The following TICRR variants were observed in gnomAD, a reference collection of about 807,000 sequenced individuals.
TICRR encodes the protein TOPBP1 interacting checkpoint and replication regulator.
A neutral mutation model predicts 178.1 loss-of-function variants in TICRR; 132 were observed. The ratio of observed to expected loss-of-function variants is 0.74; its 90% confidence interval spans 0.64 to 0.86. The LOEUF (loss-of-function observed/expected upper bound fraction) is 0.86. TICRR is among the 40% of genes least tolerant of loss of function. The pLI is 0.00. For missense variants in TICRR, 2,587 were observed against 2,334.3 expected, an observed-to-expected ratio of 1.11 and a Z score of -2.23; for synonymous variants, 991 against 900.7, an observed-to-expected ratio of 1.10 and a Z score of -1.79.
At chr15:89,596,430 T>A (rs993234976) in intron 7 of TICRR, among the ~76,000 whole-genome samples, 1 of 152,146 alleles carries the variant, frequency 6.6e-6, no homozygotes, top group Non-Finnish European at 1.5e-5. Flanking sequence ...CACTGCAACC[T>A]CTGCCTCCCG....
chr15:89,613,734 C>CTT (rs34162195), intron 15 of TICRR, among the ~76,000 whole-genome samples: 16 of 61,508 alleles, frequency 2.6e-4, no homozygotes, highest in African/African-American at 7.5e-4. Context: ...TTTCTATTCG[C>CTT]TTTTTTTTTT....
chr15:89,617,274 T>C (rs187249592), intron 16 of TICRR, among the ~76,000 whole-genome samples: 56 of 152,306 alleles, frequency 3.7e-4, no homozygotes, highest in African/African-American at 1.2e-3. Context: ...CTTGTGAAGT[T>C]TATAGGTTAA....
intron 6 of TICRR, 108 bp downstream of exon 6, chr15:89,594,662 G>T: frequency 2.2e-6 from 2 of 928,514 alleles, no homozygotes; most frequent in South Asian, 6.9e-5. Flanking sequence ...AAATAAAGAA[G>T]GGCAAATTTT....
chr15:89,591,864 G>A, intron 4 of TICRR, 183 bp from the exon 5 acceptor site: 1 of 442,522 alleles, frequency 2.3e-6, no homozygotes, highest in Non-Finnish European at 4.0e-6. Flanking sequence ...TTTTTCAGTA[G>A]CATTTTTTAT....
At chr15:89,618,860 G>A (rs1963377681) in intron 17 of TICRR, among the ~76,000 whole-genome samples, 1 of 152,254 alleles carries the variant, frequency 6.6e-6, no homozygotes, top group South Asian at 2.1e-4. Flanking sequence ...TCGGGAGGCT[G>A]AGGTGAGAGG....
chr15:89,605,657 C>G (rs1487355341), intron 13 of TICRR, among the ~76,000 whole-genome samples: 3 of 152,184 alleles, frequency 2.0e-5, no homozygotes, highest in Non-Finnish European at 4.4e-5. Context: ...TGCGCCCAGC[C>G]GGATGTGTGA....
intron 15 of TICRR, among the ~76,000 whole-genome samples, chr15:89,609,270 C>A (rs1963221983): frequency 6.6e-6 from 1 of 151,328 alleles, no homozygotes; most frequent in South Asian, 2.1e-4. Context: ...ACTACCACAC[C>A]CAGCTAATTT....
At chr15:89,600,895 A>G (rs1325118271) in intron 9 of TICRR, among the ~76,000 whole-genome samples, 4 of 151,902 alleles carry the variant, frequency 2.6e-5, no homozygotes, top group Admixed American at 2.6e-4. Context: ...AATTTTTTTT[A>G]ATTAGGTGAG....
intron 4 of TICRR, among the ~76,000 whole-genome samples, chr15:89,588,522 C>CA (rs1414635794): frequency 6.6e-6 from 1 of 152,114 alleles, no homozygotes; most frequent in Non-Finnish European, 1.5e-5. Flanking sequence ...GACAGGCGAT[C>CA]AGATCAATGG....
intron 16 of TICRR, 149 bp downstream of exon 16, chr15:89,616,644 G>A (rs1207052360): frequency 4.8e-6 from 3 of 621,780 alleles, no homozygotes; most frequent in Admixed American, 5.8e-5. Context: ...GCTCTCCATG[G>A]GAGCAGGAGA....
chr15:89,617,303 G>A (rs1013705687), intron 16 of TICRR, among the ~76,000 whole-genome samples: 1 of 152,144 alleles, frequency 6.6e-6, no homozygotes, highest in Non-Finnish European at 1.5e-5. Context: ...AAGTGAAATT[G>A]GTGGGTCAGA....
rs1445542818 is a variant in TICRR, at chr15:89,625,125, C to T, written c.4815C>T (p.Leu1605=). The change falls in exon 20 of 22, where the codon CTC becomes CTT. Residue 1605 remains leucine, a synonymous_variant. Transcript: ENST00000268138. ...SLGEESFLPA[L]SMPRASRSLS... The stretch of plus-strand genomic sequence containing the variant: ...GAGAAGAGAGCTTCCTCCCTGCTCT[C>T]AGCATGCCCAGGGCCAGCAGGTCCT... 6.2e-7 allele frequency: 1 copy of T among 1,613,980 alleles called. No individual in the cohort carries two copies. Among genetic ancestry groups the T allele is most frequent in the Non-Finnish European group, 8.5e-7 (1 of 1,180,004 alleles).
chr15:89,617,783 C>T (rs1016069103), intron 16 of TICRR, among the ~76,000 whole-genome samples: 1 of 151,860 alleles, frequency 6.6e-6, no homozygotes, highest in African/African-American at 2.4e-5. Context: ...CGTCTGCCTC[C>T]CGGGTTCAAG....
Position 89,619,962 on chromosome 15 carries a change from T to C in TICRR, c.3154+120T>C, listed in dbSNP as rs1438896296. The C allele has an allele frequency of 8.0e-6, 10 of 1,256,456 alleles. No individual in the cohort carries two copies. In the Admixed American group the frequency reaches 2.3e-4, roughly 29 times the overall value. The allele number at this position is 1,256,456 out of a possible 1,614,324, so 77.8% of individuals were successfully genotyped here. On this transcript the variant is annotated intron_variant, in intron 18 of 21. Transcript: ENST00000268138. Reference sequence around the variant, plus strand: ...TGACATTGGAGAAGTAGAATAGGTATGTCTAGTTGAGGTTCAGGGTGATGG... The same window carrying C: ...TGACATTGGAGAAGTAGAATAGGTACGTCTAGTTGAGGTTCAGGGTGATGG...
chr15:89,588,299 TCCCTCTGTGGGC>T (rs1962855476), intron 4 of TICRR, among the ~76,000 whole-genome samples: 1 of 151,974 alleles, frequency 6.6e-6, no homozygotes, highest in Admixed American at 6.6e-5. Context: ...TAAAGTGAGA[TCCCTCTGTGGGC>T]TTGCCTGCCT....
intron 12 of TICRR, 47 bp downstream of exon 12, chr15:89,602,023 T>C (rs369891696): frequency 1.3e-6 from 2 of 1,599,874 alleles, no homozygotes; most frequent in African/African-American, 1.3e-5. Flanking sequence ...GTTATAGTTC[T>C]GATAAAAGAT....
rs1963212434 is a variant in TICRR at position 89,608,877 on chromosome 15, T to C, written c.2797T>C (p.Leu933=). The change falls in exon 15 of 22, where the codon TTG becomes CTG. Residue 933 remains leucine, a synonymous_variant. Transcript: ENST00000268138. ...SPSKRSLKRG[L]PRSHSVSAVD... ...TTCAAAGAGATCACTAAAGCGGGGG[T>C]TGCCTAGAAGCCATTCTGTGTCAGC... 1 of 1,611,288 alleles carries C rather than the reference T, an allele frequency of 6.2e-7. No homozygotes were observed. Among genetic ancestry groups the C allele is most frequent in the South Asian group, 1.1e-5 (1 of 90,604 alleles).
chr15:89,603,221 A>G lies in TICRR; in HGVS notation c.2664+329A>G, dbSNP rs148345480. On this transcript the variant is annotated intron_variant, in intron 13 of 21. Coordinates refer to ENST00000268138, the MANE Select transcript of TICRR (RefSeq NM_152259.4). ...AGCAGTCACTGGAAGAGAATATACA[A>G]TTGTAAGTGGACTTTGGTTGCATAC... 7.9e-5 allele frequency among the ~76,000 whole-genome samples: 12 copies of G among 152,290 alleles called. No individual in the cohort carries two copies. In the East Asian group the frequency reaches 1.4e-3, roughly 17 times the overall value.
chr15:89,585,633 G>C, intron 3 of TICRR, 75 bp from the exon 4 acceptor site: 2 of 1,006,130 alleles, frequency 2.0e-6, no homozygotes, highest in Non-Finnish European at 3.1e-6. Flanking sequence ...TGGTTATTCT[G>C]TCTTTTAGTA....
Sources: gnomAD v4.1 joint callset for allele counts (sites outside exome capture counted in the v4.1 genomes callset) on GRCh38, gnomAD v4.1.1 for gene constraint, MANE v1.5 for transcripts, NCBI Gene and HGNC (gene_info 2026-07-23, HGNC 2026-07-21) for gene names.